Variants in SPG11 observed in about 807,000 individuals in gnomAD.
The protein encoded by SPG11 is spatacsin.
Under a neutral mutation model 274.0 loss-of-function variants are expected in SPG11, and 222 were observed. The ratio of observed to expected loss-of-function variants is 0.81; its 90% CI spans 0.73 to 0.91. SPG11 has a LOEUF of 0.91. Ranked by LOEUF, SPG11 falls within the 40% of genes least tolerant of loss-of-function variation. SPG11 has a pLI of 0.00. For missense variants in SPG11, 3,114 were observed against 2,872.7 expected (o/e 1.08, Z -1.92); for synonymous variants, 1,144 against 1,039.7 (o/e 1.10, Z -1.93).
chr15:44,652,201 C>A lies in SPG11; in HGVS notation c.935G>T (p.Gly312Val), dbSNP rs774273136. Residue 312 changes from glycine (G) to valine (V), a missense_variant, in exon 5 of 40, where the codon GGC becomes GTC. Transcript: ENST00000261866. ...LEDLPIQGPK[G>V]VDEDDPVNSA... ...GTTAACAGGATCATCTTCATCTACG[C>A]CCTTAGGTCCTTGAATAGGAAGATC... 1 of 1,614,062 alleles carries A rather than the reference C, an allele frequency of 6.2e-7. No individual in the cohort carries two copies. Among genetic ancestry groups the A allele is most frequent in the African/African-American group, 1.3e-5 (1 of 75,030 alleles).
At chr15:44,595,896 C>A (rs1341928593) in intron 25 of SPG11, among the ~76,000 whole-genome samples, 187 bp downstream of exon 25, 2 of 152,212 alleles carry the variant, frequency 1.3e-5, no homozygotes, top group African/African-American at 2.4e-5. Flanking sequence ...TGTCAAGGCA[C>A]AAGAAAGTAC....
intron 39 of SPG11, among the ~76,000 whole-genome samples, chr15:44,563,795 G>A (rs1171453380): frequency 6.6e-6 from 1 of 152,124 alleles, no homozygotes; most frequent in Non-Finnish European, 1.5e-5. Flanking sequence ...CCCACCTTAG[G>A]ATACTGTATT....
chr15:44,622,409 G>A, intron 12 of SPG11, 62 bp from the exon 13 acceptor site: 2 of 1,333,168 alleles, frequency 1.5e-6, no homozygotes, highest in South Asian at 2.6e-5. Flanking sequence ...TGCAAAAAAT[G>A]TCATGAGATT....
chr15:44,608,514 GT>G lies in SPG11; in HGVS notation c.3382del (p.Thr1128LeufsTer43), dbSNP rs1567159473. ...MALTPYPKLK[T>X]ALFPQCTPPS... Reference sequence around the variant, plus strand: ...AGGAGTGCACTGTGGGAAGAGAGCAGTTTTTAGCTTGGGGTAAGGAGTTAAT... The same window carrying G: ...AGGAGTGCACTGTGGGAAGAGAGCAGTTTTAGCTTGGGGTAAGGAGTTAAT... On this transcript the variant is annotated frameshift_variant, in exon 19 of 40. Coordinates refer to ENST00000261866, the MANE Select transcript of SPG11 (RefSeq NM_025137.4). LOFTEE classifies it high-confidence loss of function. 1 of 1,614,122 alleles carries G rather than the reference GT, an allele frequency of 6.2e-7. No homozygotes were observed.
At chr15:44,615,698 A>G (rs936068866) in intron 15 of SPG11, 132 bp from the exon 16 acceptor site, 44 of 816,920 alleles carry the variant, frequency 5.4e-5, no homozygotes, top group Non-Finnish European at 7.6e-5. Flanking sequence ...TTCTTACTCT[A>G]TATGTTCTCA....
intron 11 of SPG11, among the ~76,000 whole-genome samples, chr15:44,624,863 G>A (rs560706368): frequency 7.2e-5 from 11 of 152,150 alleles, no homozygotes; most frequent in African/African-American, 2.6e-4. Flanking sequence ...GGCCAGGCAC[G>A]GTGGCTCACG....
intron 36 of SPG11, 143 bp from the exon 37 acceptor site, chr15:44,566,448 A>T (rs2082311141): frequency 2.5e-6 from 2 of 806,402 alleles, no homozygotes; most frequent in South Asian, 2.9e-5. Flanking sequence ...GATAAAGGTT[A>T]TTGGGCCAGA....
chr15:44,606,864 T>C (rs1436088446), intron 19 of SPG11, among the ~76,000 whole-genome samples: 1 of 152,180 alleles, frequency 6.6e-6, no homozygotes, highest in Non-Finnish European at 1.5e-5. Context: ...ATGAAACCAC[T>C]TGTGTTTCAA....
chr15:44,603,961 A>T (rs1854680396), intron 20 of SPG11: 1 of 165,148 alleles, frequency 6.1e-6, no homozygotes, highest in Non-Finnish European at 1.3e-5. Flanking sequence ...GATCCCAAGG[A>T]TATGGAGGGC....
intron 16 of SPG11, among the ~76,000 whole-genome samples, chr15:44,614,451 T>C (rs1208814812): frequency 6.6e-6 from 1 of 152,194 alleles, no homozygotes; most frequent in South Asian, 2.1e-4. Context: ...CTTGAACTTT[T>C]GGGCTAAAGT....
intron 18 of SPG11, among the ~76,000 whole-genome samples, chr15:44,610,488 T>G (rs1432290601): frequency 6.6e-6 from 1 of 152,176 alleles, no homozygotes; most frequent in African/African-American, 2.4e-5. Flanking sequence ...GTTCAAGTGA[T>G]TCTCATGCCT....
At position 44,657,126 on chromosome 15, in the gene SPG11, C is replaced by T. The variant is rs757501528; in HGVS notation, c.838G>A (p.Ala280Thr). The change falls in exon 4 of 40, where the codon GCA becomes ACA. Residue 280 changes from alanine to threonine, a missense_variant. Transcript: ENST00000261866. Reference protein sequence around the residue: ...VAVIVSSSNSAVALNLNLYFR... With the variant: ...VAVIVSSSNSTVALNLNLYFR... Reference sequence around the variant, plus strand: ...TACAAATTTAAGTTAAGAGCAACTGCGGAGTTGGAGGAGCTGACAATCACT... The same window carrying T: ...TACAAATTTAAGTTAAGAGCAACTGTGGAGTTGGAGGAGCTGACAATCACT... The T allele has an allele frequency of 5.6e-6, 9 of 1,613,976 alleles. No individual in the cohort carries two copies. Among genetic ancestry groups the T allele is most frequent in the Admixed American group, 5.0e-5 (3 of 59,992 alleles).
intron 17 of SPG11, among the ~76,000 whole-genome samples, chr15:44,611,809 C>CTTTTTTT (rs71111871): frequency 3.3e-5 from 4 of 119,484 alleles, no homozygotes; most frequent in Non-Finnish European, 4.9e-5. Context: ...TGGTCACTGT[C>CTTTTTTT]TTTTTTTTTT....
chr15:44,633,256 A>G (rs767417695), intron 8 of SPG11, among the ~76,000 whole-genome samples: 1 of 133,334 alleles, frequency 7.5e-6, no homozygotes, highest in Non-Finnish European at 1.6e-5. Flanking sequence ...GCTTGAGTCC[A>G]GGAGGTGAGG....
In SPG11 at chr15:44,581,192, A is replaced by C. The variant is rs576659443; in HGVS notation, c.5866+2622T>G. 5.3e-5 allele frequency among the ~76,000 whole-genome samples: 8 copies of C among 152,316 alleles called. No homozygotes were observed. The South Asian group carries it at 1.7e-3, about 32-fold the overall frequency. On this transcript the variant is annotated intron_variant, in intron 30 of 39. Coordinates refer to ENST00000261866, the MANE Select transcript of SPG11 (RefSeq NM_025137.4). ...AAGTGAACAACATTTTCAAGCACTG[A>C]AAGAAAATAACTAATTTTCTTATTT...
intron 7 of SPG11, among the ~76,000 whole-genome samples, chr15:44,636,043 T>C (rs1397710913): frequency 6.6e-6 from 1 of 151,990 alleles, no homozygotes; most frequent in East Asian, 1.9e-4. Flanking sequence ...ATTCAATAGA[T>C]ATTGGGAGGG....
Position 44,595,333 on chromosome 15 carries a change from A to C in SPG11, c.4561T>G (p.Ser1521Ala). The change falls in exon 26 of 40, where the codon TCA becomes GCA. Residue 1521 changes from serine (S) to alanine (A), a missense_variant. Ser to Ala is a moderately conservative substitution (Grantham distance 99, BLOSUM62 1). Transcript: ENST00000261866. Reference protein sequence around the residue: ...EDHTWNLEDLSVIWRTLLTRQ... With the variant: ...EDHTWNLEDLAVIWRTLLTRQ... ...GTTAATAATGTTCTCCAGATGACTG[A>C]AAGATCCTCAAGGTTCCAGGTATGG... is the stretch of plus-strand genomic sequence containing the variant. 6.2e-6 allele frequency: 10 copies of C among 1,614,234 alleles called. No individual in the cohort carries two copies. The highest frequency in any genetic ancestry group is 8.5e-6 in the Non-Finnish European group (10 of 1,180,036).
intron 14 of SPG11, 109 bp downstream of exon 14, chr15:44,621,650 T>C (rs2083754397): frequency 1.8e-6 from 2 of 1,091,268 alleles, no homozygotes; most frequent in Non-Finnish European, 1.4e-6. Context: ...ACCTGAATAT[T>C]ATTTCCCGAA....
chr15:44,660,869 G>T (rs913218502), intron 1 of SPG11, among the ~76,000 whole-genome samples: 2 of 152,090 alleles, frequency 1.3e-5, no homozygotes, highest in African/African-American at 4.8e-5. Context: ...AGAAATGATG[G>T]CTCCATTTAT....
Sources: gnomAD v4.1 joint callset for allele counts (sites outside exome capture counted in the v4.1 genomes callset) on GRCh38, gnomAD v4.1.1 for gene constraint, MANE v1.5 for transcripts, NCBI Gene and HGNC (gene_info 2026-07-23, HGNC 2026-07-21) for gene names.